Variants in NTNG1 observed in about 807,000 individuals in gnomAD.
The protein encoded by NTNG1 is netrin-G1.
In NTNG1, 16 loss-of-function variants were observed where a neutral mutation model predicts 54.0. The observed-to-expected ratio is 0.30, with a 90% CI of 0.20 to 0.45. The LOEUF is 0.45. NTNG1 is among the 20% of genes least tolerant of loss of function. The pLI, the probability that NTNG1 is intolerant of heterozygous loss-of-function variation, is 1.00. For missense variants in NTNG1, 530 were observed against 678.7 expected, an observed-to-expected ratio of 0.78 and a Z score of 2.43; for synonymous variants, 255 against 263.1, an observed-to-expected ratio of 0.97 and a Z score of 0.30.
At chr1:107,160,047 A>G (rs1372009721) in intron 2 of NTNG1, among the ~76,000 whole-genome samples, 4 of 152,184 alleles carry the variant, frequency 2.6e-5, no homozygotes, top group African/African-American at 7.2e-5. Flanking sequence ...GGTGTTGAGA[A>G]AAGTAGTTAG....
rs572474035 is a variant in NTNG1 at position 107,401,968 on chromosome 1, C to T, written c.1061-5714C>T. On this transcript the variant is annotated intron_variant, in intron 4 of 7. Coordinates refer to ENST00000370068, the MANE Select transcript of NTNG1 (RefSeq NM_001113226.3). ...TAAGGCATTTAGACAGTGCCAGCCA[C>T]GTAGTAAGCAGCAGTGCAATTACCT... is the stretch of plus-strand genomic sequence containing the variant. Among the ~76,000 whole-genome samples the T allele has an allele frequency of 7.9e-5, 12 of 152,114 alleles. 1 individual carries two copies. In the South Asian group the frequency reaches 1.7e-3, roughly 21 times the overall value.
At chr1:107,170,184 CTTTTTAGGAA>C (rs1407381155) in intron 2 of NTNG1, among the ~76,000 whole-genome samples, 4 of 152,052 alleles carry the variant, frequency 2.6e-5, no homozygotes, top group Non-Finnish European at 4.4e-5. Context: ...ATCACCTCTA[CTTTTTAGGAA>C]TACTAAGAAA....
intron 3 of NTNG1, among the ~76,000 whole-genome samples, chr1:107,325,342 A>G (rs571164498): frequency 1.3e-5 from 2 of 152,216 alleles, no homozygotes; most frequent in South Asian, 4.1e-4. Flanking sequence ...TTTGTGTAAT[A>G]TTGCACAAAA....
intron 3 of NTNG1, among the ~76,000 whole-genome samples, chr1:107,331,545 A>G (rs1668281490): frequency 6.6e-6 from 1 of 152,132 alleles, no homozygotes; most frequent in African/African-American, 2.4e-5. Flanking sequence ...AAAAATAAAT[A>G]AATAAGCTGT....
At chr1:107,213,249 A>AT (rs1659711632) in intron 2 of NTNG1, among the ~76,000 whole-genome samples, 2 of 151,928 alleles carry the variant, frequency 1.3e-5, no homozygotes, top group African/African-American at 2.4e-5. Context: ...ACTTGTTTCA[A>AT]TTTTTTGCAT....
At chr1:107,467,581 G>A (rs952278399) in intron 7 of NTNG1, among the ~76,000 whole-genome samples, 1 of 152,186 alleles carries the variant, frequency 6.6e-6, no homozygotes, top group Admixed American at 6.5e-5. Flanking sequence ...GCGTGGTAAT[G>A]TCAGTATTGA....
intron 7 of NTNG1, among the ~76,000 whole-genome samples, chr1:107,478,340 C>T (rs2101610476): frequency 6.6e-6 from 1 of 152,148 alleles, no homozygotes; most frequent in East Asian, 1.9e-4. Context: ...TATATCCTGC[C>T]AATCCATGAG....
At chr1:107,346,393 T>C (rs770506283) in intron 3 of NTNG1, among the ~76,000 whole-genome samples, 1 of 152,170 alleles carries the variant, frequency 6.6e-6, no homozygotes, top group African/African-American at 2.4e-5. Context: ...GCAACCCAGA[T>C]GCAGAGTGGG....
rs189870052 is a variant in NTNG1, at chr1:107,300,291, T to C, written c.247-23991T>C. Among the ~76,000 whole-genome samples the C allele has an allele frequency of 1.2e-3, 190 of 152,336 alleles. 1 individual carries two copies. Among genetic ancestry groups the C allele is most frequent in the African/African-American group, 4.4e-3 (185 of 41,574 alleles). On this transcript the variant is annotated intron_variant, in intron 2 of 7. Transcript: ENST00000370068. Reference sequence around the variant, plus strand: ...GCCACGTTTTCTTTAAAAATCATGTTAATTTTTAAATACTGAGAGGTCACC... The same window carrying C: ...GCCACGTTTTCTTTAAAAATCATGTCAATTTTTAAATACTGAGAGGTCACC...
chr1:107,205,299 C>G (rs1424481345), intron 2 of NTNG1, among the ~76,000 whole-genome samples: 2 of 152,086 alleles, frequency 1.3e-5, no homozygotes, highest in Non-Finnish European at 2.9e-5. Context: ...ATATGCCTGT[C>G]TCCCCAAATT....
chr1:107,478,164 A>G (rs1678455505), intron 7 of NTNG1, among the ~76,000 whole-genome samples: 1 of 152,216 alleles, frequency 6.6e-6, no homozygotes, highest in Non-Finnish European at 1.5e-5. Flanking sequence ...ATGTGCTTCT[A>G]GCCCATGATT....
chr1:107,329,193 A>G (rs748822635), intron 3 of NTNG1, among the ~76,000 whole-genome samples: 1 of 152,002 alleles, frequency 6.6e-6, no homozygotes, highest in Non-Finnish European at 1.5e-5. Flanking sequence ...CTTCGACAAA[A>G]CTTTTTGGTG....
chr1:107,320,717 C>CT (rs11411662), intron 2 of NTNG1, among the ~76,000 whole-genome samples: 70,202 of 136,612 alleles, frequency 0.51, 19,641 homozygotes, highest in Non-Finnish European at 0.63. Context: ...AAAATGAAAT[C>CT]TTTTTTTTTT....
chr1:107,476,404 C>G (rs751089307), intron 7 of NTNG1, among the ~76,000 whole-genome samples: 1 of 152,154 alleles, frequency 6.6e-6, no homozygotes, highest in Non-Finnish European at 1.5e-5. Context: ...CCAGGATGAC[C>G]TATCTCCTGT....
intron 3 of NTNG1, among the ~76,000 whole-genome samples, chr1:107,380,310 T>G (rs768971221): frequency 6.6e-6 from 1 of 152,222 alleles, no homozygotes; most frequent in Non-Finnish European, 1.5e-5. Flanking sequence ...AAAGTTGCCT[T>G]ACTTTGTTTA....
chr1:107,195,740 C>T (rs1052122142), intron 2 of NTNG1, among the ~76,000 whole-genome samples: 7 of 152,006 alleles, frequency 4.6e-5, no homozygotes, highest in African/African-American at 1.2e-4. Flanking sequence ...GGCCCTTGCA[C>T]TTGCTGATTC....
At position 107,415,626 on chromosome 1, in the gene NTNG1, A is replaced by T. The variant is rs936738883; in HGVS notation, c.1087+7918A>T. On this transcript the variant is annotated intron_variant, in intron 5 of 7. Coordinates refer to ENST00000370068, the MANE Select transcript of NTNG1 (RefSeq NM_001113226.3). Reference sequence around the variant, plus strand: ...TTGTAACAAAACACCACTCTGAGACATTCATATTGACCCAAAGATTTTCCC... The same window carrying T: ...TTGTAACAAAACACCACTCTGAGACTTTCATATTGACCCAAAGATTTTCCC... Among the ~76,000 whole-genome samples, 7 of 152,144 alleles carry T rather than the reference A, an allele frequency of 4.6e-5. No homozygotes were observed. In the East Asian group the frequency reaches 1.2e-3, roughly 25 times the overall value.
chr1:107,482,742 G>T lies in NTNG1; in HGVS notation c.*1902G>T, dbSNP rs1047189972. 6.6e-6 allele frequency: 1 copy of T among 152,186 alleles called. No individual in the cohort carries two copies. Among genetic ancestry groups the T allele is most frequent in the African/African-American group, 2.4e-5 (1 of 41,414 alleles). The allele number at this position is 152,186 out of a possible 1,614,324, so 9.4% of individuals were successfully genotyped here. A position where few individuals can be genotyped will look rare whatever the true frequency, so the allele number is the denominator to read the frequency against. ...CCACTCCTTGCTGAAACAGGGAAGGGGGGAGGAATGTCTCCTGATAAATAA... is the reference window on the plus strand; with the variant it reads ...CCACTCCTTGCTGAAACAGGGAAGGTGGGAGGAATGTCTCCTGATAAATAA... On this transcript the variant is annotated 3_prime_UTR_variant, in exon 8 of 8. Transcript: ENST00000370068.
intron 7 of NTNG1, among the ~76,000 whole-genome samples, chr1:107,456,568 G>A (rs137944007): frequency 1.3e-3 from 202 of 152,252 alleles, no homozygotes; most frequent in Non-Finnish European, 1.8e-3. Context: ...AGGCCTGCTC[G>A]CTTATCAATA....
Sources: allele counts gnomAD v4.1 joint callset (sites outside exome capture counted in the v4.1 genomes callset), GRCh38; gene constraint gnomAD v4.1.1; transcripts MANE v1.5; gene names NCBI Gene and HGNC (gene_info 2026-07-23, HGNC 2026-07-21).